KCNIP4: variants seen among roughly 807,000 people sequenced by gnomAD.
The protein encoded by KCNIP4 is potassium voltage-gated channel interacting protein 4, also known as Kv channel-interacting protein 4.
KCNIP4 carries 12 observed loss-of-function variants against 34.0 expected under a neutral mutation model. The ratio of observed to expected loss-of-function variants is 0.35; its 90% CI spans 0.23 to 0.57. The LOEUF is 0.57. Among genes scored for constraint, KCNIP4 ranks in the 20% least tolerant of loss-of-function variants. The probability of loss-of-function intolerance (pLI) is 0.83; values close to 1 mark genes in which losing one functional copy is unlikely to be tolerated. For synonymous variants in KCNIP4, 124 were observed against 102.2 expected (o/e 1.21, Z -1.29); for missense variants, 238 against 311.7 (o/e 0.76, Z 1.78).
chr4:21,429,611 G>A (rs1726258739), intron 1 of KCNIP4, among the ~76,000 whole-genome samples: 1 of 152,132 alleles, frequency 6.6e-6, no homozygotes, highest in South Asian at 2.1e-4. Context: ...AACAGTGAAT[G>A]AGAGTTCCTG....
chr4:20,818,689 C>T (rs924325414), intron 3 of KCNIP4, among the ~76,000 whole-genome samples: 1 of 152,110 alleles, frequency 6.6e-6, no homozygotes, highest in Non-Finnish European at 1.5e-5. Flanking sequence ...CAAATTATAA[C>T]ATTAATATGC....
chr4:21,038,894 TCA>T (rs2149775719), intron 1 of KCNIP4, among the ~76,000 whole-genome samples: 1 of 152,294 alleles, frequency 6.6e-6, no homozygotes, highest in African/African-American at 2.4e-5. Flanking sequence ...TCCAGCTCCT[TCA>T]CAGTGTTCTG....
chr4:21,254,087 T>C (rs1181009581), intron 1 of KCNIP4, among the ~76,000 whole-genome samples: 1 of 152,170 alleles, frequency 6.6e-6, no homozygotes, highest in Non-Finnish European at 1.5e-5. Flanking sequence ...GTATAGATTA[T>C]CCCTTTGGTA....
At chr4:21,573,367 GT>G (rs925813903) in intron 1 of KCNIP4, among the ~76,000 whole-genome samples, 6 of 151,848 alleles carry the variant, frequency 4.0e-5, no homozygotes, top group African/African-American at 1.5e-4. Flanking sequence ...CTAATTTTCT[GT>G]TTTCATGCTC....
intron 1 of KCNIP4, among the ~76,000 whole-genome samples, chr4:21,224,474 C>T (rs903589446): frequency 6.6e-5 from 10 of 151,476 alleles, no homozygotes; most frequent in Non-Finnish European, 1.5e-4. Flanking sequence ...TTAGAGACTA[C>T]AGTTTCACCC....
At chr4:21,712,295 T>C (rs1399134891) in intron 1 of KCNIP4, among the ~76,000 whole-genome samples, 1 of 152,168 alleles carries the variant, frequency 6.6e-6, no homozygotes, top group African/African-American at 2.4e-5. Flanking sequence ...TAGAGCTGGC[T>C]TTATTGTAAG....
intron 1 of KCNIP4, among the ~76,000 whole-genome samples, chr4:21,040,672 T>C (rs1269454060): frequency 6.6e-6 from 1 of 152,104 alleles, no homozygotes; most frequent in Non-Finnish European, 1.5e-5. Context: ...AAATGAGAAT[T>C]TAAAGAAACC....
intron 1 of KCNIP4, among the ~76,000 whole-genome samples, chr4:21,287,158 GCTATA>G (rs1204938494): frequency 6.6e-6 from 1 of 152,172 alleles, no homozygotes; most frequent in Admixed American, 6.5e-5. Flanking sequence ...CTCCAGTAGT[GCTATA>G]CTAGAGAAGA....
At chr4:20,793,090 G>A (rs1473007808) in intron 3 of KCNIP4, among the ~76,000 whole-genome samples, 1 of 152,140 alleles carries the variant, frequency 6.6e-6, no homozygotes, top group Non-Finnish European at 1.5e-5. Context: ...GGAAAAGATA[G>A]TAAGTATTTA....
chr4:21,117,585 C>G (rs932800708), intron 1 of KCNIP4, among the ~76,000 whole-genome samples: 10 of 152,154 alleles, frequency 6.6e-5, no homozygotes, highest in African/African-American at 2.2e-4. Context: ...AGTTAATGCT[C>G]TTTCCCGGAG....
At chr4:21,507,832 G>T (rs137940711) in intron 1 of KCNIP4, among the ~76,000 whole-genome samples, 2 of 152,096 alleles carry the variant, frequency 1.3e-5, no homozygotes, top group African/African-American at 4.8e-5. Context: ...CCTAATTCTC[G>T]TCTAACAGCT....
rs921741602 is a variant in KCNIP4, at chr4:21,066,502, A to T, written c.62-183793T>A. On this transcript the variant is annotated intron_variant, in intron 1 of 8. Transcript: ENST00000382152. ...AAGACAGTCTTTAATCACCTATACCATCCCTCCCCCCATCCCCCGCATCCC... is the reference window on the plus strand; with the variant it reads ...AAGACAGTCTTTAATCACCTATACCTTCCCTCCCCCCATCCCCCGCATCCC... Among the ~76,000 whole-genome samples, 6 of 152,056 alleles carry T rather than the reference A, an allele frequency of 3.9e-5. No individual in the cohort carries two copies. The South Asian group carries it at 1.2e-3, about 31-fold the overall frequency.
chr4:21,422,508 T>A (rs1268231571), intron 1 of KCNIP4, among the ~76,000 whole-genome samples: 1 of 152,094 alleles, frequency 6.6e-6, no homozygotes, highest in African/African-American at 2.4e-5. Flanking sequence ...CCCACTTACC[T>A]TTTTAACAAG....
At chr4:21,380,535 T>C (rs1721409162) in intron 1 of KCNIP4, among the ~76,000 whole-genome samples, 1 of 151,882 alleles carries the variant, frequency 6.6e-6, no homozygotes, top group Non-Finnish European at 1.5e-5. Flanking sequence ...AGGTCAAGTA[T>C]AGATCACTCT....
intron 1 of KCNIP4, among the ~76,000 whole-genome samples, chr4:21,041,286 T>TG (rs1741944472): frequency 6.6e-6 from 1 of 150,850 alleles, no homozygotes; most frequent in African/African-American, 2.5e-5. Context: ...ATAGTTTCAT[T>TG]GGGGCTTCTC....
intron 1 of KCNIP4, chr4:21,697,660 A>G: frequency 1.5e-6 from 2 of 1,294,080 alleles, no homozygotes; most frequent in Non-Finnish European, 1.9e-6. Flanking sequence ...AGGTGAGAAA[A>G]CACGGCTTCT....
At chr4:20,745,328 T>A (rs1454693065) in intron 5 of KCNIP4, among the ~76,000 whole-genome samples, 1 of 152,170 alleles carries the variant, frequency 6.6e-6, no homozygotes, top group Non-Finnish European at 1.5e-5. Context: ...CTGAAACAAT[T>A]TACATTAAAA....
At chr4:21,654,907 G>C (rs1747801537) in intron 1 of KCNIP4, among the ~76,000 whole-genome samples, 1 of 151,862 alleles carries the variant, frequency 6.6e-6, no homozygotes, top group African/African-American at 2.4e-5. Flanking sequence ...CTGGGTGACA[G>C]AGCGAGACTC....
At position 21,763,458 on chromosome 4, in the gene KCNIP4, T is replaced by C. The variant is rs1283421952; in HGVS notation, c.61+185113A>G. The stretch of plus-strand genomic sequence containing the variant: ...AAAGAACTGGATAGAATTTTGAACA[T>C]GATTCTACTGGCTAATAAAAACAAC... On this transcript the variant is annotated intron_variant, in intron 1 of 8. Transcript: ENST00000382152. 2.6e-5 allele frequency among the ~76,000 whole-genome samples: 4 copies of C among 152,178 alleles called. No homozygotes were observed. The South Asian group carries it at 6.2e-4, about 24-fold the overall frequency.
Sources: allele counts gnomAD v4.1 joint callset (sites outside exome capture counted in the v4.1 genomes callset), GRCh38; gene constraint gnomAD v4.1.1; transcripts MANE v1.5; gene names NCBI Gene and HGNC (gene_info 2026-07-23, HGNC 2026-07-21).